Variants in PRDM14 observed in about 807,000 individuals in gnomAD.
PRDM14 encodes PR/SET domain 14.
In PRDM14, 16 loss-of-function variants were observed where a neutral mutation model predicts 48.0. That is an observed-to-expected ratio of 0.33 (90% CI 0.23 to 0.51). PRDM14 has a LOEUF of 0.51. Among genes scored for constraint, PRDM14 ranks in the 20% least tolerant of loss-of-function variants. PRDM14 has a pLI of 0.97. For missense variants in PRDM14, 566 were observed against 719.6 expected (o/e 0.79, Z 2.44); for synonymous variants, 264 against 276.6 (o/e 0.95, Z 0.45).
chr8:70,056,595 T>A (rs1805475968), intron 6 of PRDM14, among the ~76,000 whole-genome samples: 1 of 151,854 alleles, frequency 6.6e-6, no homozygotes, highest in African/African-American at 2.4e-5. Flanking sequence ...AATTCTGGTG[T>A]CTCAGCCTCC....
chr8:70,055,267 A>T, intron 7 of PRDM14, 33 bp downstream of exon 7: 1 of 1,243,232 alleles, frequency 8.0e-7, no homozygotes, highest in Non-Finnish European at 1.2e-6. Context: ...AGCAGAGCTC[A>T]GGACACATCC....
At chr8:70,055,222 A>G (rs974867275) in intron 7 of PRDM14, 78 bp downstream of exon 7, 240 of 780,456 alleles carry the variant, frequency 3.1e-4, no homozygotes, top group East Asian at 2.1e-3. Flanking sequence ...TCATTAAGCC[A>G]GGCTTTGTTT....
chr8:70,065,766 T>C (rs909559591), intron 5 of PRDM14, among the ~76,000 whole-genome samples: 16 of 150,122 alleles, frequency 1.1e-4, no homozygotes, highest in African/African-American at 3.7e-4. Flanking sequence ...TTTTCTATTC[T>C]ACTCTATACT....
chr8:70,066,631 G>A, intron 4 of PRDM14, 126 bp from the exon 5 acceptor site: 1 of 728,254 alleles, frequency 1.4e-6, no homozygotes, highest in South Asian at 1.9e-5. Flanking sequence ...CTATCATTCT[G>A]ATTTTTATGT....
rs1168323634 is a variant in PRDM14, at chr8:70,068,300, C to T, written c.842G>A (p.Gly281Glu). 1 of 1,614,162 alleles carries T rather than the reference C, an allele frequency of 6.2e-7. No individual in the cohort carries two copies. Among genetic ancestry groups the T allele is most frequent in the South Asian group, 1.1e-5 (1 of 91,088 alleles). The change falls in exon 4 of 8, where the codon GGG becomes GAG. Residue 281 changes from glycine (G) to glutamate (E), a missense_variant. Transcript: ENST00000276594. Reference protein sequence around the residue: ...SSFIAKGVRFGPFQGKVVNAS... With the variant: ...SSFIAKGVRFEPFQGKVVNAS... ...ATTGACCACTTTACCTTGAAAGGGC[C>T]CAAACCTGACTCCTTTGGCGATAAA...
chr8:70,055,614 T>C (rs1217712720), intron 6 of PRDM14, among the ~76,000 whole-genome samples: 1 of 151,540 alleles, frequency 6.6e-6, no homozygotes, highest in East Asian at 1.9e-4. Flanking sequence ...CAAGCGATCC[T>C]CCCACCTCAG....
chr8:70,059,904 G>A (rs113486370), intron 5 of PRDM14, among the ~76,000 whole-genome samples: 8,030 of 151,862 alleles, frequency 0.053, 722 homozygotes, highest in African/African-American at 0.18. Flanking sequence ...AACCAGCCTG[G>A]CCAACATGGT....
intron 1 of PRDM14, among the ~76,000 whole-genome samples, chr8:70,070,320 C>G (rs531932866): frequency 6.6e-6 from 1 of 152,232 alleles, no homozygotes; most frequent in African/African-American, 2.4e-5. Context: ...CCCTGCCAAC[C>G]TCGGGGCTGG....
At chr8:70,053,860 T>C (rs1003258062) in intron 7 of PRDM14, among the ~76,000 whole-genome samples, 2 of 152,198 alleles carry the variant, frequency 1.3e-5, no homozygotes, top group Non-Finnish European at 2.9e-5. Context: ...CGTAAATGAC[T>C]CAGTGACTGA....
chr8:70,052,884 A>C (rs1805411459), intron 7 of PRDM14, among the ~76,000 whole-genome samples: 1 of 148,706 alleles, frequency 6.7e-6, no homozygotes, highest in Admixed American at 6.7e-5. Context: ...AAAAAAAAAA[A>C]AAAAAAAAGC....
chr8:70,051,956 T>C lies in PRDM14; in HGVS notation c.*121A>G, dbSNP rs906633867. 1.5e-6 allele frequency: 1 copy of C among 659,052 alleles called. No individual in the cohort carries two copies. Among genetic ancestry groups the C allele is most frequent in the Non-Finnish European group, 2.5e-6 (1 of 393,080 alleles). The allele number at this position is 659,052 out of a possible 1,614,324, so 40.8% of individuals were successfully genotyped here. A position where few individuals can be genotyped will look rare whatever the true frequency, so the allele number is the denominator to read the frequency against. On this transcript the variant is annotated 3_prime_UTR_variant, in exon 8 of 8. Coordinates refer to ENST00000276594, the MANE Select transcript of PRDM14 (RefSeq NM_024504.4). Reference sequence around the variant, plus strand: ...CCAGCTGATTTTTGTATTTTTTTGGTAGAGACAGGATTTCACCATGTTGCC... The same window carrying C: ...CCAGCTGATTTTTGTATTTTTTTGGCAGAGACAGGATTTCACCATGTTGCC...
At chr8:70,070,840 C>A (rs1376284008) in intron 1 of PRDM14, among the ~76,000 whole-genome samples, 2 of 152,194 alleles carry the variant, frequency 1.3e-5, no homozygotes, top group Admixed American at 6.5e-5. Flanking sequence ...CCCTTCAGGG[C>A]CGGCGGGTCT....
chr8:70,060,211 G>A (rs1805553692), intron 5 of PRDM14, among the ~76,000 whole-genome samples: 1 of 151,982 alleles, frequency 6.6e-6, no homozygotes, highest in Non-Finnish European at 1.5e-5. Context: ...GACCAGCCTG[G>A]GCAACATAGT....
chr8:70,071,139 C>G lies in PRDM14; in HGVS notation c.-25+11G>C. 6.6e-6 allele frequency: 1 copy of G among 152,524 alleles called. No homozygotes were observed. Among genetic ancestry groups the G allele is most frequent in the Non-Finnish European group, 1.5e-5 (1 of 68,200 alleles). The allele number at this position is 152,524 out of a possible 1,614,324, so 9.4% of individuals were successfully genotyped here. A position where few individuals can be genotyped will look rare whatever the true frequency, so the allele number is the denominator to read the frequency against. ...GCCCCGGGCCCCAGGCGCGTCCTGTCCCGTGCCTACCTCCGACACCACCTC... is the reference window on the plus strand; with the variant it reads ...GCCCCGGGCCCCAGGCGCGTCCTGTGCCGTGCCTACCTCCGACACCACCTC... On this transcript the variant is annotated intron_variant, in intron 1 of 7. Coordinates refer to ENST00000276594, the MANE Select transcript of PRDM14 (RefSeq NM_024504.4). This position sits in a 1 kb window ranked among gnomAD's most constrained non-coding sequence, Gnocchi z 5.2.
At chr8:70,070,091 C>T (rs1181332235) in intron 1 of PRDM14, among the ~76,000 whole-genome samples, 1 of 152,182 alleles carries the variant, frequency 6.6e-6, no homozygotes, top group Admixed American at 6.5e-5. Context: ...AAGCCCCAAA[C>T]GGAAATCTGC....
chr8:70,055,516 T>A (rs1306916127), intron 6 of PRDM14, 115 bp from the exon 7 acceptor site: 1 of 572,362 alleles, frequency 1.7e-6, no homozygotes, highest in Admixed American at 2.9e-5. Flanking sequence ...TTTCTTTTTT[T>A]TTTTTTTGAG....
In PRDM14 at chr8:70,068,401, G is replaced by A. The variant is rs1156977760; in HGVS notation, c.755-14C>T. The A allele has an allele frequency of 7.4e-6, 12 of 1,614,026 alleles. No individual in the cohort carries two copies. Among genetic ancestry groups the A allele is most frequent in the African/African-American group, 4.0e-5 (3 of 74,922 alleles). On this transcript the variant is annotated splice_polypyrimidine_tract_variant and intron_variant, in intron 3 of 7. Coordinates refer to ENST00000276594, the MANE Select transcript of PRDM14 (RefSeq NM_024504.4). ...TGAGGCATAGACCTAGGGGAAAGCC[G>A]AGGCAGGAAAAGAGAATGAGGAGAG...
At chr8:70,062,313 T>A (rs548913712) in intron 5 of PRDM14, among the ~76,000 whole-genome samples, 70 of 152,318 alleles carry the variant, frequency 4.6e-4, no homozygotes, top group East Asian at 9.6e-4. Flanking sequence ...CTATTCCATG[T>A]TAATAACAAA....
chr8:70,069,378 A>G lies in PRDM14; in HGVS notation c.483T>C (p.Pro161=), dbSNP rs1303680115. 7 of 1,611,522 alleles carry G rather than the reference A, an allele frequency of 4.3e-6. No homozygotes were observed. The African/African-American group carries it at 6.7e-5, about 15-fold the overall frequency. ...PPPPADASLL[P]EGLRTSQLLP... The stretch of plus-strand genomic sequence containing the variant: ...ATAACTGGGAGGTCCTCAGCCCCTC[A>G]GGTAACAGAGAAGCATCCGCAGGGG... The change falls in exon 2 of 8, where the codon CCT becomes CCC. Residue 161 remains proline (P), a synonymous_variant. Coordinates refer to ENST00000276594, the MANE Select transcript of PRDM14 (RefSeq NM_024504.4).
Sources: allele counts gnomAD v4.1 joint callset (sites outside exome capture counted in the v4.1 genomes callset), GRCh38; gene constraint gnomAD v4.1.1; non-coding constraint Gnocchi (gnomAD v3.1); transcripts MANE v1.5; gene names NCBI Gene and HGNC (gene_info 2026-07-23, HGNC 2026-07-21).